Variants in TENM2 observed in about 807,000 individuals in gnomAD.
TENM2 encodes teneurin-2.
Under a neutral mutation model 245.2 loss-of-function variants are expected in TENM2, and 52 were observed. That is an observed-to-expected ratio of 0.21 (90% CI 0.17 to 0.27). The LOEUF is 0.27. Ranked by LOEUF, TENM2 falls within the 10% of genes least tolerant of loss-of-function variation. The probability of loss-of-function intolerance (pLI) is 1.00; values close to 1 mark genes in which losing one functional copy is unlikely to be tolerated. For synonymous variants in TENM2, 1,363 were observed against 1,438.9 expected, an observed-to-expected ratio of 0.95 and a Z score of 1.19; for missense variants, 3,046 against 3,666.8, an observed-to-expected ratio of 0.83 and a Z score of 4.37.
At chr5:167,211,752 T>C in the TENM2 span, among the ~76,000 whole-genome samples, 2 of 152,176 alleles carry the variant, frequency 1.3e-5, no homozygotes, top group Admixed American at 6.5e-5. Flanking sequence ...AATAGGTTTA[T>C]AGATTTTTTT....
chr5:167,715,378 G>C (rs1759189556), intron 2 of TENM2, among the ~76,000 whole-genome samples: 1 of 152,092 alleles, frequency 6.6e-6, no homozygotes, highest in South Asian at 2.1e-4. Context: ...TCTTCAGCTG[G>C]AGGCAGGTGG....
At chr5:167,238,095 C>CT in the TENM2 span, among the ~76,000 whole-genome samples, 1 of 150,418 alleles carries the variant, frequency 6.6e-6, no homozygotes, top group East Asian at 2.0e-4. Flanking sequence ...ATTAATGACT[C>CT]TGAGTCAAAG....
At chr5:167,409,492 C>T (rs1290615296) in intron 2 of TENM2, among the ~76,000 whole-genome samples, 1 of 151,656 alleles carries the variant, frequency 6.6e-6, no homozygotes, top group Non-Finnish European at 1.5e-5. Flanking sequence ...AATAAGCAGC[C>T]TAAAAATTGG....
the TENM2 span, among the ~76,000 whole-genome samples, chr5:166,989,134 A>G: frequency 8.2e-4 from 124 of 151,990 alleles, no homozygotes; most frequent in Middle Eastern, 3.4e-3. Context: ...CAGTGGTGCA[A>G]TCTCGATTCA....
chr5:168,005,759 T>C (rs1396217802), intron 5 of TENM2, among the ~76,000 whole-genome samples: 1 of 152,168 alleles, frequency 6.6e-6, no homozygotes, highest in Non-Finnish European at 1.5e-5. Context: ...GTATAGATAA[T>C]GGTGTCGAGT....
chr5:168,183,398 C>G (rs1169248922), intron 13 of TENM2, among the ~76,000 whole-genome samples: 2 of 151,956 alleles, frequency 1.3e-5, no homozygotes, highest in Non-Finnish European at 2.9e-5. Context: ...AAAAAATGCC[C>G]TTTGACTGGG....
chr5:167,925,618 G>C (rs1364343313), intron 3 of TENM2, among the ~76,000 whole-genome samples: 3 of 152,158 alleles, frequency 2.0e-5, no homozygotes. Context: ...ATAACCAGAG[G>C]ACTATAAATC....
In TENM2 at chr5:167,372,076, A is replaced by C. The variant is rs1004677685; in HGVS notation, c.227-3122A>C. ...GTGAACCTGTTGGAAAGTGAAGATG[A>C]AAAGGTAATTTTAAAAAAAAATCAA... On this transcript the variant is annotated intron_variant, in intron 1 of 28. Coordinates refer to ENST00000518659, the Ensembl canonical transcript of TENM2. 2.0e-5 allele frequency among the ~76,000 whole-genome samples: 3 copies of C among 152,162 alleles called. No individual in the cohort carries two copies. The East Asian group carries it at 5.8e-4, about 29-fold the overall frequency.
At chr5:167,895,106 G>T (rs1204095506) in intron 3 of TENM2, among the ~76,000 whole-genome samples, 1 of 152,044 alleles carries the variant, frequency 6.6e-6, no homozygotes, top group Non-Finnish European at 1.5e-5. Flanking sequence ...ACTTCTCAGG[G>T]CCTTTAACAT....
chr5:168,142,263 A>T (rs1011463788), intron 12 of TENM2, among the ~76,000 whole-genome samples: 6 of 152,360 alleles, frequency 3.9e-5, no homozygotes, highest in African/African-American at 1.4e-4. Context: ...GAAGATGCAG[A>T]GGTGAAAGTC....
At chr5:167,726,862 A>G (rs1311991340) in intron 2 of TENM2, among the ~76,000 whole-genome samples, 1 of 152,138 alleles carries the variant, frequency 6.6e-6, no homozygotes, top group East Asian at 1.9e-4. Context: ...TGCCTGCAAC[A>G]TTCCTCAACT....
At chr5:168,242,294 T>C (rs1766168001) in intron 25 of TENM2, among the ~76,000 whole-genome samples, 2 of 152,192 alleles carry the variant, frequency 1.3e-5, no homozygotes, top group African/African-American at 4.8e-5. Context: ...GGTATTAGAA[T>C]TATTCCTTGT....
At chr5:167,320,290 A>C (rs1756629533) in intron 1 of TENM2, among the ~76,000 whole-genome samples, 1 of 152,220 alleles carries the variant, frequency 6.6e-6, no homozygotes, top group Non-Finnish European at 1.5e-5. Context: ...AATACAGATA[A>C]AAATTAATAC....
rs997198323 is a variant in TENM2 at position 167,590,090 on chromosome 5, A to T, written c.502+214617A>T. Among the ~76,000 whole-genome samples, 3 of 139,578 alleles carry T rather than the reference A, an allele frequency of 2.1e-5. No homozygotes were observed. The East Asian group carries it at 6.4e-4, about 30-fold the overall frequency. The allele number at this position is 139,578 out of a possible 152,430, so 91.6% of individuals were successfully genotyped here. ...TATCTCTTGATTTACTTACCACTGA[A>T]TTCTCTGCTTGATTACATTTTTCTT... On this transcript the variant is annotated intron_variant, in intron 2 of 28. Coordinates refer to ENST00000518659, the Ensembl canonical transcript of TENM2.
chr5:168,117,416 C>T (rs534217291), intron 9 of TENM2, among the ~76,000 whole-genome samples: 1 of 152,312 alleles, frequency 6.6e-6, no homozygotes, highest in South Asian at 2.1e-4. Context: ...CCTGAAACCA[C>T]AAATGGTACA....
the TENM2 span, among the ~76,000 whole-genome samples, chr5:167,075,621 T>A: frequency 6.6e-6 from 1 of 152,184 alleles, no homozygotes; most frequent in African/African-American, 2.4e-5. Flanking sequence ...GCCTGCACAT[T>A]CATTCAATTC....
chr5:167,390,708 T>C (rs1000723645), intron 2 of TENM2, among the ~76,000 whole-genome samples: 4 of 152,208 alleles, frequency 2.6e-5, no homozygotes, highest in Non-Finnish European at 4.4e-5. Context: ...AACATTTCTA[T>C]ATTCTGGGGC....
intron 2 of TENM2, among the ~76,000 whole-genome samples, chr5:167,604,327 A>T (rs1285352017): frequency 6.6e-6 from 1 of 152,122 alleles, no homozygotes; most frequent in Non-Finnish European, 1.5e-5. Context: ...TAGCCTTGAA[A>T]CTCAAATTGA....
At chr5:166,986,299 A>G in the TENM2 span, among the ~76,000 whole-genome samples, 658 of 152,322 alleles carry the variant, frequency 4.3e-3, 3 homozygotes, top group Middle Eastern at 0.014. Context: ...TTTGGTTAAA[A>G]AAATTCCTCA....
Sources: gnomAD v4.1 joint callset for allele counts (sites outside exome capture counted in the v4.1 genomes callset) on GRCh38, gnomAD v4.1.1 for gene constraint, MANE v1.5 for transcripts, NCBI Gene and HGNC (gene_info 2026-07-23, HGNC 2026-07-21) for gene names.